PIK3C2G: variants seen among roughly 807,000 people sequenced by gnomAD.
The protein encoded by PIK3C2G is phosphatidylinositol-4-phosphate 3-kinase catalytic subunit type 2 gamma.
Under a neutral mutation model 181.1 loss-of-function variants are expected in PIK3C2G, and 168 were observed. That is an observed-to-expected ratio of 0.93 (90% CI 0.82 to 1.05). The LOEUF is 1.05. PIK3C2G is among the 50% of genes least tolerant of loss of function. PIK3C2G has a pLI of 0.00. For missense variants in PIK3C2G, 1,869 were observed against 1,732.8 expected, an observed-to-expected ratio of 1.08 and a Z score of -1.40; for synonymous variants, 573 against 592.2, an observed-to-expected ratio of 0.97 and a Z score of 0.47.
the PIK3C2G span, among the ~76,000 whole-genome samples, chr12:18,711,037 TA>T: frequency 6.6e-6 from 1 of 152,092 alleles, no homozygotes; most frequent in African/African-American, 2.4e-5. Flanking sequence ...TTACTAGGTA[TA>T]TACCCAAAGG....
chr12:18,396,703 C>T (rs1002729205), intron 15 of PIK3C2G, among the ~76,000 whole-genome samples: 2 of 151,108 alleles, frequency 1.3e-5, no homozygotes, highest in East Asian at 1.9e-4. Context: ...ATTTTATTTA[C>T]TAAAATTTAG....
the PIK3C2G span, among the ~76,000 whole-genome samples, chr12:18,657,770 A>T: frequency 1.3e-5 from 2 of 152,330 alleles, no homozygotes; most frequent in East Asian, 3.9e-4. Flanking sequence ...TCAGTCTTCA[A>T]CAAAAAATTG....
chr12:18,609,472 TTTGA>T lies in PIK3C2G; in HGVS notation c.4088-59_4088-56del, dbSNP rs1348237642. On this transcript the variant is annotated intron_variant, in intron 30 of 32. Transcript: ENST00000538779. ...TTGGTCCTGTTTTAGTTTTTAAATG[TTTGA>T]TTGTTCCTGTGCTGAGCTTTTTCCA... The T allele has an allele frequency of 6.7e-6, 6 of 898,872 alleles. No individual in the cohort carries two copies. The East Asian group carries it at 1.3e-4, about 20-fold the overall frequency. 55.7% of individuals were successfully genotyped at this position (898,872 alleles called of 1,614,324 possible).
intron 29 of PIK3C2G, among the ~76,000 whole-genome samples, chr12:18,593,912 T>A (rs1285999393): frequency 6.6e-6 from 1 of 151,816 alleles, no homozygotes; most frequent in African/African-American, 2.4e-5. Flanking sequence ...ATCCCCTGAT[T>A]CTCTCTCTTT....
the PIK3C2G span, among the ~76,000 whole-genome samples, chr12:18,709,036 A>AT: frequency 6.6e-6 from 1 of 151,974 alleles, no homozygotes; most frequent in Admixed American, 6.6e-5. Flanking sequence ...CCAGTTATTT[A>AT]TTTTTGCTTT....
At chr12:18,371,078 T>C (rs891636518) in intron 12 of PIK3C2G, 102 bp from the exon 13 acceptor site, 6 of 905,926 alleles carry the variant, frequency 6.6e-6, no homozygotes, top group Non-Finnish European at 9.1e-6. Context: ...TCAATTCAAA[T>C]AGTTAAATAT....
intron 29 of PIK3C2G, 113 bp downstream of exon 29, chr12:18,567,170 G>A: frequency 1.7e-6 from 1 of 597,462 alleles, no homozygotes; most frequent in South Asian, 2.3e-5. Context: ...GGTCAAGGTG[G>A]GATGATTGCT....
chr12:18,489,888 A>G (rs993544538), intron 19 of PIK3C2G, among the ~76,000 whole-genome samples: 1 of 152,148 alleles, frequency 6.6e-6, no homozygotes, highest in Non-Finnish European at 1.5e-5. Flanking sequence ...CAAGTACCAG[A>G]GTGATATTGA....
At chr12:18,569,114 G>A (rs1351232183) in intron 29 of PIK3C2G, among the ~76,000 whole-genome samples, 5 of 152,034 alleles carry the variant, frequency 3.3e-5, no homozygotes, top group African/African-American at 1.2e-4. Flanking sequence ...TGGTGGAAGT[G>A]ACCCTTTATG....
intron 29 of PIK3C2G, among the ~76,000 whole-genome samples, chr12:18,589,723 G>A (rs933015829): frequency 1.3e-5 from 2 of 151,988 alleles, no homozygotes; most frequent in Non-Finnish European, 2.9e-5. Flanking sequence ...AGCACTCAGA[G>A]AATACAATTT....
intron 29 of PIK3C2G, among the ~76,000 whole-genome samples, chr12:18,568,384 TTGTG>T (rs56936466): frequency 0.016 from 2,362 of 145,812 alleles, 26 homozygotes; most frequent in African/African-American, 0.033. Flanking sequence ...ACCAACAAAA[TTGTG>T]TGTGTGTGTG....
chr12:18,710,831 G>T, the PIK3C2G span, among the ~76,000 whole-genome samples: 7 of 152,160 alleles, frequency 4.6e-5, no homozygotes, highest in Admixed American at 4.6e-4. Flanking sequence ...AAACCACAAT[G>T]AGATGCAATC....
At chr12:18,258,153 A>G (rs17473852), upstream of PIK3C2G, among the ~76,000 whole-genome samples, 52,762 of 151,980 alleles carry the variant, frequency 0.35, 9,646 homozygotes, top group Non-Finnish European at 0.41. Flanking sequence ...AATGAAAATG[A>G]CAGATGATTG....
chr12:18,291,494 A>T (rs1565561805), intron 4 of PIK3C2G, among the ~76,000 whole-genome samples: 1 of 152,176 alleles, frequency 6.6e-6, no homozygotes, highest in Non-Finnish European at 1.5e-5. Flanking sequence ...AAACCTACTG[A>T]TTCAGTCTCT....
At chr12:18,288,004 A>G (rs1399086807) in intron 3 of PIK3C2G, among the ~76,000 whole-genome samples, 15 of 151,960 alleles carry the variant, frequency 9.9e-5, no homozygotes. Context: ...TCTACTAAAC[A>G]TACAAAAATT....
chr12:18,283,783 C>A (rs1039014968), intron 2 of PIK3C2G, among the ~76,000 whole-genome samples: 1 of 152,002 alleles, frequency 6.6e-6, no homozygotes, highest in African/African-American at 2.4e-5. Flanking sequence ...AGTGTAATAA[C>A]TACTAAACTT....
At chr12:18,695,549 T>TA in the PIK3C2G span, among the ~76,000 whole-genome samples, 1 of 152,114 alleles carries the variant, frequency 6.6e-6, no homozygotes, top group Non-Finnish European at 1.5e-5. Flanking sequence ...TATAGCCTGG[T>TA]AAATAGCCAC....
chr12:18,650,347 A>ATGTATG (rs1950386205), downstream of PIK3C2G, among the ~76,000 whole-genome samples: 1 of 114,544 alleles, frequency 8.7e-6, no homozygotes, highest in African/African-American at 3.3e-5. Flanking sequence ...ATATATATAT[A>ATGTATG]TGTGTGTGTG....
intron 1 of PIK3C2G, among the ~76,000 whole-genome samples, chr12:18,276,987 A>G (rs1949012797): frequency 6.6e-6 from 1 of 152,218 alleles, no homozygotes. Context: ...AAGGGCAGCT[A>G]ATCAAGACTG....
Sources: allele counts gnomAD v4.1 joint callset (sites outside exome capture counted in the v4.1 genomes callset), GRCh38; gene constraint gnomAD v4.1.1; transcripts MANE v1.5; gene names NCBI Gene and HGNC (gene_info 2026-07-23, HGNC 2026-07-21).